EML6: variants seen among roughly 807,000 people sequenced by gnomAD.
EML6 encodes EMAP like 6, also known as echinoderm microtubule-associated protein-like 6.
EML6 carries 154 observed loss-of-function variants against 240.1 expected under a neutral mutation model. The ratio of observed to expected loss-of-function variants is 0.64; its 90% CI spans 0.56 to 0.73. EML6 has a LOEUF of 0.73. EML6 is among the 30% of genes least tolerant of loss of function. The pLI, the probability that EML6 is intolerant of heterozygous loss-of-function variation, is 0.00. For synonymous variants in EML6, 1,148 were observed against 899.0 expected, an observed-to-expected ratio of 1.28 and a Z score of -4.95; for missense variants, 2,964 against 2,474.6, an observed-to-expected ratio of 1.20 and a Z score of -4.20.
intron 2 of EML6, among the ~76,000 whole-genome samples, chr2:54,794,297 G>A (rs1669634402): frequency 6.6e-6 from 1 of 152,096 alleles, no homozygotes; most frequent in East Asian, 1.9e-4. Context: ...GTTAATGTAG[G>A]TCACTCAGAG....
At position 54,795,229 on chromosome 2, in the gene EML6, G is replaced by A. The variant is rs149910781; in HGVS notation, c.198-18003G>A. Among the ~76,000 whole-genome samples, 45 of 152,250 alleles carry A rather than the reference G, an allele frequency of 3.0e-4. 1 individual carries two copies. In the East Asian group the frequency reaches 8.5e-3, roughly 29 times the overall value. On this transcript the variant is annotated intron_variant, in intron 2 of 41. Coordinates refer to ENST00000356458, the MANE Select transcript of EML6 (RefSeq NM_001039753.4). Reference sequence around the variant, plus strand: ...CTCACACTTCAGCATGGGTGGGGAGGCCTCAGAAAACTTAGAATCATGGCA... The same window carrying A: ...CTCACACTTCAGCATGGGTGGGGAGACCTCAGAAAACTTAGAATCATGGCA...
In EML6 at chr2:54,749,908, C is replaced by G. The variant is rs12615229; in HGVS notation, c.197+24650C>G. Among the ~76,000 whole-genome samples, 788 of 152,292 alleles carry G rather than the reference C, an allele frequency of 5.2e-3. 31 individuals carry two copies. The East Asian group carries it at 0.079, about 15-fold the overall frequency. ...TAATGACATGAATTTAACATGAACT[C>G]CCATCACGGTATGTCCATTTGAGGC... On this transcript the variant is annotated intron_variant, in intron 2 of 41. Transcript: ENST00000356458.
chr2:54,915,279 T>C (rs1354555225), intron 25 of EML6, among the ~76,000 whole-genome samples: 1 of 152,156 alleles, frequency 6.6e-6, no homozygotes. Context: ...AGGGGAGCAA[T>C]ACCAGCTCCC....
At chr2:54,941,900 T>G (rs1457484154) in intron 28 of EML6, among the ~76,000 whole-genome samples, 1 of 152,272 alleles carries the variant, frequency 6.6e-6, no homozygotes, top group Non-Finnish European at 1.5e-5. Context: ...GCAAGACTCC[T>G]GTTCTTTATG....
chr2:54,829,253 T>A, intron 6 of EML6, 89 bp from the exon 7 acceptor site: 1 of 1,299,240 alleles, frequency 7.7e-7, no homozygotes, highest in Non-Finnish European at 1.0e-6. Context: ...GTTTTTGACT[T>A]GCTATGTTTT....
intron 7 of EML6, among the ~76,000 whole-genome samples, chr2:54,839,274 A>G (rs905336902): frequency 1.3e-5 from 2 of 152,220 alleles, no homozygotes; most frequent in Admixed American, 6.5e-5. Flanking sequence ...AATTAGGTTA[A>G]AAAAGGATGG....
intron 15 of EML6, 51 bp from the exon 16 acceptor site, chr2:54,871,449 A>G (rs1558634922): frequency 7.2e-7 from 1 of 1,384,056 alleles, no homozygotes; most frequent in Non-Finnish European, 1.0e-6. Context: ...GAACAAAATC[A>G]TTGTTAGTAT....
intron 28 of EML6, 69 bp from the exon 29 acceptor site, chr2:54,948,813 C>A: frequency 1.6e-6 from 2 of 1,261,260 alleles, no homozygotes; most frequent in South Asian, 1.3e-5. Flanking sequence ...CCTAGACAGG[C>A]CACACCGGGA....
chr2:54,802,167 C>G (rs969705435), intron 2 of EML6, among the ~76,000 whole-genome samples: 4 of 152,142 alleles, frequency 2.6e-5, no homozygotes, highest in Non-Finnish European at 4.4e-5. Context: ...AGCTAACATT[C>G]TTTTAAAATA....
intron 15 of EML6, among the ~76,000 whole-genome samples, chr2:54,870,739 A>AT (rs1178593440): frequency 6.6e-6 from 1 of 151,908 alleles, no homozygotes; most frequent in Non-Finnish European, 1.5e-5. Flanking sequence ...TCAATACTGT[A>AT]TTTGATGGAA....
At chr2:54,856,209 C>G (rs1385168148) in intron 11 of EML6, among the ~76,000 whole-genome samples, 1 of 152,192 alleles carries the variant, frequency 6.6e-6, no homozygotes, top group Non-Finnish European at 1.5e-5. Context: ...AGGATCAATA[C>G]TGACAGCTTT....
intron 2 of EML6, among the ~76,000 whole-genome samples, chr2:54,756,424 C>A (rs970844324): frequency 6.6e-6 from 1 of 152,098 alleles, no homozygotes; most frequent in Non-Finnish European, 1.5e-5. Flanking sequence ...GATATTCATT[C>A]TGTTTCCTTT....
Position 54,964,643 on chromosome 2 carries a change from G to T in EML6, c.5403G>T (p.Gln1801His). The T allele has an allele frequency of 6.4e-7, 1 of 1,552,376 alleles. No individual in the cohort carries two copies. The highest frequency in any genetic ancestry group is 1.4e-5 in the African/African-American group (1 of 73,186). ...EHTVDFYDLT[Q>H]GTNLNRIGYC... ...CAGTTGACTTCTATGACCTCACTCA[G>T]GGCACAAATCTGAACCGCATTGGCT... The change falls in exon 38 of 42, where the codon CAG (glutamine) becomes CAT (histidine). Residue 1801 changes from glutamine to histidine, a missense_variant. Gln to His is a conservative substitution (Grantham distance 24, BLOSUM62 0). Coordinates refer to ENST00000356458, the MANE Select transcript of EML6 (RefSeq NM_001039753.4).
intron 35 of EML6, among the ~76,000 whole-genome samples, chr2:54,961,184 G>GTTGTTTTTTTTTTGTTGTTTTTTTGT: frequency 1.8e-5 from 1 of 55,424 alleles, no homozygotes; most frequent in Non-Finnish European, 3.2e-5. Context: ...TCAGGAAGTA[G>GTTGTTTTTTTTTTGTTGTTTTTTTGT]TTTTTTTTTT....
At chr2:54,847,767 C>G (rs1252065850) in intron 9 of EML6, 144 bp downstream of exon 9, 4 of 914,790 alleles carry the variant, frequency 4.4e-6, no homozygotes, top group Admixed American at 5.8e-5. Context: ...GATCCCCTAT[C>G]TGTAATTCTG....
Position 54,820,391 on chromosome 2 carries a change from C to A in EML6, c.457-3C>A. On this transcript the variant is annotated splice_polypyrimidine_tract_variant and splice_region_variant and intron_variant, in intron 4 of 41. Transcript: ENST00000356458. ...ACATGGCAACTTTTAATGTTTTGAA[C>A]AGATTTTTGATATTTCCTGGGATCC... 1 of 1,545,892 alleles carries A rather than the reference C, an allele frequency of 6.5e-7. No individual in the cohort carries two copies. The highest frequency in any genetic ancestry group is 8.7e-7 in the Non-Finnish European group (1 of 1,142,874).
At chr2:54,949,103 G>A (rs1169827069) in intron 29 of EML6, 143 bp downstream of exon 29, 10 of 657,440 alleles carry the variant, frequency 1.5e-5, no homozygotes, top group African/African-American at 1.1e-4. Context: ...TCCCTCCTAC[G>A]TAGCACTGTG....
chr2:54,916,698 T>G (rs1673931309), intron 25 of EML6, 61 bp from the exon 26 acceptor site: 1 of 1,352,156 alleles, frequency 7.4e-7, no homozygotes, highest in Non-Finnish European at 9.9e-7. Context: ...TGCAAACTGT[T>G]TCTTTTAAAT....
intron 2 of EML6, among the ~76,000 whole-genome samples, chr2:54,795,417 C>T (rs997100440): frequency 6.6e-6 from 1 of 152,150 alleles, no homozygotes; most frequent in Admixed American, 6.5e-5. Context: ...TACCCCCCAC[C>T]AGGCCCCTCC....
Sources: gnomAD v4.1 joint callset for allele counts (sites outside exome capture counted in the v4.1 genomes callset) on GRCh38, gnomAD v4.1.1 for gene constraint, MANE v1.5 for transcripts, NCBI Gene and HGNC (gene_info 2026-07-23, HGNC 2026-07-21) for gene names.